The following DECR1 variants were observed in gnomAD, a reference collection of about 807,000 sequenced individuals.
DECR1 encodes 2,4-dienoyl-CoA reductase [(3E)-enoyl-CoA-producing], mitochondrial.
DECR1 carries 44 observed loss-of-function variants against 38.8 expected under a neutral mutation model. The ratio of observed to expected loss-of-function variants is 1.13; its 90% CI spans 0.89 to 1.46. The LOEUF is 1.46. Among genes scored for constraint, DECR1 ranks in the 40% most tolerant of loss-of-function variants. The pLI, the probability that DECR1 is intolerant of heterozygous loss-of-function variation, is 0.00. For synonymous variants in DECR1, 148 were observed against 135.2 expected (o/e 1.09, Z -0.66); for missense variants, 428 against 405.5 (o/e 1.06, Z -0.48).
intron 1 of DECR1, among the ~76,000 whole-genome samples, chr8:90,012,611 A>G (rs999323490): frequency 6.6e-6 from 1 of 152,176 alleles, no homozygotes; most frequent in Non-Finnish European, 1.5e-5. Flanking sequence ...GTGCTTTCTA[A>G]TGCAATTGGA....
At chr8:90,022,404 C>T (rs1813185959) in intron 5 of DECR1, among the ~76,000 whole-genome samples, 2 of 152,158 alleles carry the variant, frequency 1.3e-5, no homozygotes, top group Non-Finnish European at 2.9e-5. Flanking sequence ...CCTTTCTATG[C>T]ACTCATTGAA....
At chr8:90,012,738 C>T (rs1812916920) in intron 1 of DECR1, among the ~76,000 whole-genome samples, 2 of 152,094 alleles carry the variant, frequency 1.3e-5, no homozygotes, top group African/African-American at 4.8e-5. Context: ...TCCTAAGCAT[C>T]CTGATATGTT....
At position 90,001,483 on chromosome 8, in the gene DECR1, G is replaced by C; in HGVS notation, c.-10G>C. On this transcript the variant is annotated 5_prime_UTR_variant, in exon 1 of 10. Transcript: ENST00000220764. ...GCGCCGCCTTCCGGCCCGAGTTCTG[G>C]AGACTCAACATGAAGCTACCGGCCA... The C allele has an allele frequency of 1.2e-6, 2 of 1,613,988 alleles. No homozygotes were observed. The highest frequency in any genetic ancestry group is 1.7e-6 in the Non-Finnish European group (2 of 1,179,886).
At chr8:90,019,416 G>T (rs182724541) in intron 4 of DECR1, among the ~76,000 whole-genome samples, 24 of 152,312 alleles carry the variant, frequency 1.6e-4, no homozygotes, top group Non-Finnish European at 3.5e-4. Context: ...CTTCAGAGCA[G>T]GGCAACACCA....
rs367904791 is a variant in DECR1 at position 90,019,440 on chromosome 8, G to A, written c.417+268G>A. Among the ~76,000 whole-genome samples, 10 of 152,298 alleles carry A rather than the reference G, an allele frequency of 6.6e-5. No homozygotes were observed. In the East Asian group the frequency reaches 1.2e-3, roughly 18 times the overall value. Reference sequence around the variant, plus strand: ...AGGGCAACACCATAGTCAATGTGCTGGGCATAGCAGTTGAGAGGCAGTTTT... The same window carrying A: ...AGGGCAACACCATAGTCAATGTGCTAGGCATAGCAGTTGAGAGGCAGTTTT... On this transcript the variant is annotated intron_variant, in intron 4 of 9. Coordinates refer to ENST00000220764, the MANE Select transcript of DECR1 (RefSeq NM_001359.2).
At chr8:90,034,205 G>A (rs1158414782) in intron 5 of DECR1, among the ~76,000 whole-genome samples, 2 of 152,084 alleles carry the variant, frequency 1.3e-5, no homozygotes, top group African/African-American at 4.8e-5. Context: ...TAAATATATG[G>A]AGCAGAGAAA....
intron 5 of DECR1, among the ~76,000 whole-genome samples, chr8:90,028,349 T>G (rs368124833): frequency 1.4e-3 from 214 of 152,304 alleles, no homozygotes; most frequent in African/African-American, 4.7e-3. Flanking sequence ...AAATTACATT[T>G]TGATTGTATC....
Position 90,018,967 on chromosome 8 carries a change from G to A in DECR1, c.330+1G>A, listed in dbSNP as rs568855857. ...AATTTCTTCTCAAACTGGAAATAAG[G>A]TACATTAAAAATCAGTTATTTAATT... On this transcript the variant is annotated splice_donor_variant, in intron 3 of 9. Coordinates refer to ENST00000220764, the MANE Select transcript of DECR1 (RefSeq NM_001359.2). LOFTEE classifies it high-confidence loss of function. 1.9e-6 allele frequency: 3 copies of A among 1,592,834 alleles called. No homozygotes were observed. Among genetic ancestry groups the A allele is most frequent in the East Asian group, 4.5e-5 (2 of 44,428 alleles).
At chr8:90,045,599 T>C (rs1407243464) in intron 8 of DECR1, among the ~76,000 whole-genome samples, 1 of 152,134 alleles carries the variant, frequency 6.6e-6, no homozygotes, top group Non-Finnish European at 1.5e-5. Context: ...AGACTCCACC[T>C]CTAGGGGCAG....
intron 5 of DECR1, among the ~76,000 whole-genome samples, chr8:90,025,407 G>A (rs1283947355): frequency 1.3e-5 from 2 of 152,124 alleles, no homozygotes; most frequent in African/African-American, 4.8e-5. Context: ...TTGAGCAGTG[G>A]TTTGTAGTTC....
At chr8:90,018,584 C>T (rs1813067008) in intron 2 of DECR1, 6 of 198,540 alleles carry the variant, frequency 3.0e-5, no homozygotes, top group Non-Finnish European at 6.3e-5. Flanking sequence ...CTCTTTGAAC[C>T]CATAAATTTA....
chr8:90,041,229 G>T (rs540951587), intron 6 of DECR1, among the ~76,000 whole-genome samples: 1 of 152,228 alleles, frequency 6.6e-6, no homozygotes, highest in South Asian at 2.1e-4. Flanking sequence ...CAGTGATGAT[G>T]AGCTTTTTTT....
intron 8 of DECR1, among the ~76,000 whole-genome samples, chr8:90,051,041 G>A (rs1005247208): frequency 6.6e-6 from 1 of 152,074 alleles, no homozygotes; most frequent in Non-Finnish European, 1.5e-5. Flanking sequence ...GGAGGAGCGG[G>A]GAGGGATAGT....
rs1340466230 is a variant in DECR1 at position 90,051,906 on chromosome 8, T to C, written c.*9T>C. The C allele has an allele frequency of 1.9e-6, 3 of 1,613,070 alleles. No individual in the cohort carries two copies. The African/African-American group carries it at 4.0e-5, about 22-fold the overall frequency. ...AGACAAAAGGTTCCTAAGACCACTT[T>C]GGCCTTCATCTTGGTTACAGAAAAG... On this transcript the variant is annotated 3_prime_UTR_variant, in exon 10 of 10. Coordinates refer to ENST00000220764, the MANE Select transcript of DECR1 (RefSeq NM_001359.2).
chr8:90,031,857 C>T (rs1813503424), intron 5 of DECR1, among the ~76,000 whole-genome samples: 1 of 151,972 alleles, frequency 6.6e-6, no homozygotes. Context: ...TGAGGCCAAG[C>T]AATGTGGTCT....
intron 5 of DECR1, among the ~76,000 whole-genome samples, chr8:90,021,500 G>A (rs1813163423): frequency 1.3e-5 from 2 of 152,166 alleles, no homozygotes; most frequent in African/African-American, 4.8e-5. Context: ...GGGTTGGAGT[G>A]TAATTGGGAG....
At chr8:90,007,845 T>C (rs1812782987) in intron 1 of DECR1, among the ~76,000 whole-genome samples, 1 of 152,202 alleles carries the variant, frequency 6.6e-6, no homozygotes, top group Non-Finnish European at 1.5e-5. Context: ...TTCTCAGCTG[T>C]CCTGCGCTCT....
intron 5 of DECR1, among the ~76,000 whole-genome samples, chr8:90,032,347 GGACT>G (rs1408202192): frequency 6.6e-6 from 1 of 151,976 alleles, no homozygotes; most frequent in African/African-American, 2.4e-5. Flanking sequence ...TCATGCTTAG[GGACT>G]GACTTTCTCT....
intron 1 of DECR1, among the ~76,000 whole-genome samples, chr8:90,014,158 T>C (rs1812952470): frequency 6.6e-6 from 1 of 152,222 alleles, no homozygotes; most frequent in Non-Finnish European, 1.5e-5. Context: ...ATTTATATTT[T>C]TGAAAAAAAC....
Sources: gnomAD v4.1 joint callset for allele counts (sites outside exome capture counted in the v4.1 genomes callset) on GRCh38, gnomAD v4.1.1 for gene constraint, MANE v1.5 for transcripts, NCBI Gene and HGNC (gene_info 2026-07-23, HGNC 2026-07-21) for gene names.